Variants in NELL1 observed in about 807,000 individuals in gnomAD.
NELL1 encodes neural EGFL like 1, also known as protein kinase C-binding protein NELL1.
NELL1 carries 76 observed loss-of-function variants against 107.4 expected under a neutral mutation model. The ratio of observed to expected loss-of-function variants is 0.71; its 90% CI spans 0.59 to 0.86. The LOEUF (loss-of-function observed/expected upper bound fraction) is 0.86. NELL1 is among the 40% of genes least tolerant of loss of function. NELL1 has a pLI of 0.00. For synonymous variants in NELL1, 353 were observed against 341.2 expected (o/e 1.03, Z -0.38); for missense variants, 1,024 against 1,005.5 (o/e 1.02, Z -0.25).
At chr11:21,342,508 G>T (rs1850592437) in intron 14 of NELL1, among the ~76,000 whole-genome samples, 1 of 151,786 alleles carries the variant, frequency 6.6e-6, no homozygotes, top group Non-Finnish European at 1.5e-5. Context: ...AGCAGGCATG[G>T]TGGCATGTGC....
chr11:21,237,466 CTT>C (rs1858238903), intron 14 of NELL1, among the ~76,000 whole-genome samples: 1 of 152,036 alleles, frequency 6.6e-6, no homozygotes, highest in Non-Finnish European at 1.5e-5. Flanking sequence ...ACATGTGCCT[CTT>C]CTCTTTAGTT....
chr11:20,816,628 T>A (rs1182001002), intron 3 of NELL1, among the ~76,000 whole-genome samples: 1 of 152,184 alleles, frequency 6.6e-6, no homozygotes, highest in Non-Finnish European at 1.5e-5. Flanking sequence ...GGATGCTTTT[T>A]ATTTATTTCT....
At chr11:20,983,959 C>G (rs528421048) in intron 12 of NELL1, among the ~76,000 whole-genome samples, 1 of 152,226 alleles carries the variant, frequency 6.6e-6, no homozygotes, top group Admixed American at 6.5e-5. Flanking sequence ...TTAGCCATCC[C>G]TCAGTAACAT....
intron 15 of NELL1, among the ~76,000 whole-genome samples, chr11:21,415,951 C>T (rs1451873174): frequency 2.6e-5 from 4 of 151,006 alleles, no homozygotes; most frequent in Non-Finnish European, 4.4e-5. Context: ...TGGGAGAGGA[C>T]GGAGGGAAGC....
intron 3 of NELL1, among the ~76,000 whole-genome samples, chr11:20,821,579 TTA>T (rs1165398558): frequency 2.6e-5 from 4 of 152,338 alleles, no homozygotes; most frequent in African/African-American, 9.6e-5. Flanking sequence ...CTTGTTATGA[TTA>T]TAATATGTCC....
At chr11:20,791,902 A>G (rs1415156044) in intron 3 of NELL1, among the ~76,000 whole-genome samples, 6 of 152,046 alleles carry the variant, frequency 3.9e-5, no homozygotes, top group Non-Finnish European at 7.4e-5. Context: ...CTGTTGATGT[A>G]GTGTATTATA....
At chr11:21,164,932 A>C (rs189396511) in intron 13 of NELL1, among the ~76,000 whole-genome samples, 1 of 152,060 alleles carries the variant, frequency 6.6e-6, no homozygotes, top group African/African-American at 2.4e-5. Context: ...TTTTCTTTTT[A>C]TTTCCTTTCA....
chr11:21,337,837 T>TTTC (rs71034505), intron 14 of NELL1, among the ~76,000 whole-genome samples: 25,416 of 86,158 alleles, frequency 0.29, 3,537 homozygotes, highest in Admixed American at 0.37. Flanking sequence ...TCTTTCTTTC[T>TTTC]TTTCTTTCTT....
chr11:20,672,593 A>G (rs1414055674), intron 1 of NELL1, among the ~76,000 whole-genome samples: 9 of 152,348 alleles, frequency 5.9e-5, no homozygotes, highest in South Asian at 4.1e-4. Flanking sequence ...TGGTTGAGAA[A>G]TAATTCAGAG....
At chr11:21,098,132 A>G (rs1277380789) in intron 12 of NELL1, among the ~76,000 whole-genome samples, 2 of 152,212 alleles carry the variant, frequency 1.3e-5, no homozygotes, top group South Asian at 4.1e-4. Flanking sequence ...TCCTAACACC[A>G]GCTTCCAATT....
At chr11:20,695,834 G>C (rs998183044) in intron 2 of NELL1, among the ~76,000 whole-genome samples, 1 of 152,048 alleles carries the variant, frequency 6.6e-6, no homozygotes, top group African/African-American at 2.4e-5. Context: ...TTTCACAATA[G>C]TTTCAGTGGA....
intron 2 of NELL1, among the ~76,000 whole-genome samples, chr11:20,690,127 G>T (rs1277231859): frequency 6.6e-6 from 1 of 151,784 alleles, no homozygotes; most frequent in Non-Finnish European, 1.5e-5. Flanking sequence ...ACTTTTTGAT[G>T]GGGTTGTTTT....
chr11:20,933,699 G>A (rs1206272252), intron 9 of NELL1, among the ~76,000 whole-genome samples: 1 of 152,126 alleles, frequency 6.6e-6, no homozygotes, highest in African/African-American at 2.4e-5. Flanking sequence ...TAAAGATAGG[G>A]AAACCTTGTA....
intron 12 of NELL1, among the ~76,000 whole-genome samples, chr11:21,086,396 T>G (rs545302674): frequency 1.3e-5 from 2 of 152,348 alleles, no homozygotes; most frequent in African/African-American, 4.8e-5. Flanking sequence ...CTAAAAGCAC[T>G]AGTATTTTCA....
intron 2 of NELL1, among the ~76,000 whole-genome samples, chr11:20,718,546 T>C (rs1389524096): frequency 1.3e-5 from 2 of 152,144 alleles, no homozygotes; most frequent in East Asian, 3.9e-4. Context: ...TACTGGGTAC[T>C]GGGATATAGC....
intron 15 of NELL1, among the ~76,000 whole-genome samples, chr11:21,441,330 C>CGTGTGTGTGTGTGTGT (rs201892977): frequency 5.7e-5 from 8 of 140,238 alleles, no homozygotes; most frequent in African/African-American, 2.0e-4. Context: ...GAGGCTGTGA[C>CGTGTGTGTGTGTGTGT]GTGTGTGTGT....
At chr11:21,246,480 T>C (rs1300405340) in intron 14 of NELL1, among the ~76,000 whole-genome samples, 1 of 152,148 alleles carries the variant, frequency 6.6e-6, no homozygotes, top group Non-Finnish European at 1.5e-5. Flanking sequence ...ATGATGGAGA[T>C]ATGTTCTGAG....
At chr11:21,508,802 A>T (rs1855361682) in intron 15 of NELL1, among the ~76,000 whole-genome samples, 1 of 150,790 alleles carries the variant, frequency 6.6e-6, no homozygotes, top group African/African-American at 2.5e-5. Flanking sequence ...TTAAAGAAAA[A>T]AAAATGTTAG....
intron 15 of NELL1, among the ~76,000 whole-genome samples, chr11:21,377,616 T>C (rs1042880026): frequency 6.6e-6 from 1 of 151,924 alleles, no homozygotes; most frequent in African/African-American, 2.4e-5. Context: ...TTTAGTAGAA[T>C]TGGTCAGCTC....
Sources: allele counts gnomAD v4.1 joint callset (sites outside exome capture counted in the v4.1 genomes callset), GRCh38; gene constraint gnomAD v4.1.1; transcripts MANE v1.5; gene names NCBI Gene and HGNC (gene_info 2026-07-23, HGNC 2026-07-21).